PCDH15: variants seen among roughly 807,000 people sequenced by gnomAD.
PCDH15 encodes the protein protocadherin-15.
In PCDH15, 129 loss-of-function variants were observed where a neutral mutation model predicts 178.5. That is an observed-to-expected ratio of 0.72 (90% CI 0.63 to 0.84). The LOEUF (loss-of-function observed/expected upper bound fraction) is 0.84. PCDH15 is among the 40% of genes least tolerant of loss of function. The pLI, the probability that PCDH15 is intolerant of heterozygous loss-of-function variation, is 0.00. For synonymous variants in PCDH15, 800 were observed against 732.0 expected (o/e 1.09, Z -1.50); for missense variants, 2,230 against 2,099.9 (o/e 1.06, Z -1.21).
At chr10:54,078,339 A>T (rs1476306658) in intron 17 of PCDH15, among the ~76,000 whole-genome samples, 1 of 152,056 alleles carries the variant, frequency 6.6e-6, no homozygotes, top group Non-Finnish European at 1.5e-5. Context: ...TTATATTTTT[A>T]TTATAATAAA....
At chr10:54,740,602 A>G (rs1246399595) in intron 1 of PCDH15, among the ~76,000 whole-genome samples, 1 of 151,998 alleles carries the variant, frequency 6.6e-6, no homozygotes, top group Non-Finnish European at 1.5e-5. Context: ...TATTCACAAC[A>G]GCCAAGACAT....
At chr10:55,161,241 T>C (rs1839057909) in intron 2 of PCDH15, among the ~76,000 whole-genome samples, 1 of 152,182 alleles carries the variant, frequency 6.6e-6, no homozygotes, top group Non-Finnish European at 1.5e-5. Flanking sequence ...CTGCTACAAA[T>C]TTCTCAAGAA....
intron 3 of PCDH15, among the ~76,000 whole-genome samples, chr10:54,896,391 C>CTGT (rs1272055344): frequency 6.6e-6 from 1 of 152,032 alleles, no homozygotes; most frequent in Non-Finnish European, 1.5e-5. Flanking sequence ...TTCTATCCAG[C>CTGT]TGTTGACTTT....
At chr10:54,779,421 T>C (rs60958657) in intron 1 of PCDH15, among the ~76,000 whole-genome samples, 34,988 of 94,130 alleles carry the variant, frequency 0.37, 6,049 homozygotes, top group African/African-American at 0.47. Context: ...TATATATATA[T>C]ACACACACAT....
At chr10:54,652,921 C>T (rs1363464586) in intron 2 of PCDH15, among the ~76,000 whole-genome samples, 1 of 152,166 alleles carries the variant, frequency 6.6e-6, no homozygotes, top group Non-Finnish European at 1.5e-5. Context: ...AAATGACAAT[C>T]TGCCTAATCT....
chr10:54,519,307 A>T (rs1482906321), intron 3 of PCDH15, among the ~76,000 whole-genome samples: 1 of 152,188 alleles, frequency 6.6e-6, no homozygotes, highest in African/African-American at 2.4e-5. Context: ...GTATATTTAG[A>T]AAACCCCATT....
intron 3 of PCDH15, among the ~76,000 whole-genome samples, chr10:54,807,490 A>G (rs1952797137): frequency 6.6e-6 from 1 of 151,924 alleles, no homozygotes; most frequent in Non-Finnish European, 1.5e-5. Flanking sequence ...TGGCTACTAT[A>G]CATTGTACTT....
intron 2 of PCDH15, among the ~76,000 whole-genome samples, chr10:54,548,134 CAT>C (rs914518889): frequency 6.2e-5 from 9 of 145,672 alleles, no homozygotes; most frequent in African/African-American, 1.7e-4. Context: ...AAAAAAAACC[CAT>C]ATATATATAT....
intron 3 of PCDH15, among the ~76,000 whole-genome samples, chr10:54,488,110 C>T (rs187258129): frequency 2.6e-4 from 40 of 151,694 alleles, no homozygotes; most frequent in Admixed American, 1.8e-3. Flanking sequence ...CACTAAAAGA[C>T]GAGTTAATAT....
intron 3 of PCDH15, among the ~76,000 whole-genome samples, chr10:54,483,718 A>G (rs2078892522): frequency 6.6e-6 from 1 of 151,746 alleles, no homozygotes. Flanking sequence ...TATTTCTTCC[A>G]CTTTTTCTTT....
At chr10:54,263,160 C>G (rs1338810018) in intron 8 of PCDH15, among the ~76,000 whole-genome samples, 1 of 152,094 alleles carries the variant, frequency 6.6e-6, no homozygotes, top group African/African-American at 2.4e-5. Context: ...GCGGACATAC[C>G]CTAAAACCTG....
At position 53,823,023 on chromosome 10, in the gene PCDH15, T is replaced by C. The variant is rs143844556; in HGVS notation, c.4368-2793A>G. 6.2e-7 allele frequency: 1 copy of C among 1,614,038 alleles called. No homozygotes were observed. The highest frequency in any genetic ancestry group is 8.5e-7 in the Non-Finnish European group (1 of 1,179,954). On this transcript the variant is annotated intron_variant, in intron 32 of 37. Transcript: ENST00000644397. Reference sequence around the variant, plus strand: ...CTGACTCCACAGCCTCTGAATCTTTTCTCTTGGGCCCCTCAGAGACTTACT... The same window carrying C: ...CTGACTCCACAGCCTCTGAATCTTTCCTCTTGGGCCCCTCAGAGACTTACT...
At chr10:54,327,221 C>T (rs1173826213) in intron 7 of PCDH15, among the ~76,000 whole-genome samples, 1 of 151,866 alleles carries the variant, frequency 6.6e-6, no homozygotes, top group African/African-American at 2.4e-5. Flanking sequence ...ATACCTTCCA[C>T]AGCAATCTGA....
intron 26 of PCDH15, among the ~76,000 whole-genome samples, chr10:53,897,765 C>A (rs1156994845): frequency 1.3e-5 from 2 of 152,106 alleles, no homozygotes; most frequent in Middle Eastern, 3.2e-3. Context: ...TTTGCCTACT[C>A]TAGGTAAGTA....
Position 54,424,418 on chromosome 10 carries a change from A to C in PCDH15, c.158-45476T>G, listed in dbSNP as rs530597783. 2.6e-5 allele frequency among the ~76,000 whole-genome samples: 4 copies of C among 152,018 alleles called. No individual in the cohort carries two copies. In the South Asian group the frequency reaches 6.2e-4, roughly 24 times the overall value. The stretch of plus-strand genomic sequence containing the variant: ...ACTTTTACACTGTTGGTGGGACTGT[A>C]AACTAGTTCAACCATTGTGGAAGAC... On this transcript the variant is annotated intron_variant, in intron 3 of 37. Coordinates refer to ENST00000644397, the MANE Select transcript of PCDH15 (RefSeq NM_001384140.1).
chr10:54,578,045 A>C (rs1392673715), intron 2 of PCDH15, among the ~76,000 whole-genome samples: 1 of 152,178 alleles, frequency 6.6e-6, no homozygotes, highest in Non-Finnish European at 1.5e-5. Context: ...ATTTATATAC[A>C]TTTGGAAAGT....
chr10:53,894,320 A>G (rs368580130), intron 26 of PCDH15, among the ~76,000 whole-genome samples: 1 of 152,312 alleles, frequency 6.6e-6, no homozygotes. Flanking sequence ...TTCAAAGTAC[A>G]AACCACACAA....
chr10:55,395,721 T>G (rs1837911537), intron 2 of PCDH15, among the ~76,000 whole-genome samples: 1 of 152,052 alleles, frequency 6.6e-6, no homozygotes, highest in Admixed American at 6.5e-5. Context: ...TTCTTTGTAT[T>G]ATTTTACATT....
At chr10:54,608,676 G>A (rs534952488) in intron 2 of PCDH15, among the ~76,000 whole-genome samples, 11 of 151,954 alleles carry the variant, frequency 7.2e-5, no homozygotes, top group East Asian at 3.9e-4. Context: ...GGTAATATTC[G>A]TCAAGAAGTC....
Sources: gnomAD v4.1 joint callset for allele counts (sites outside exome capture counted in the v4.1 genomes callset) on GRCh38, gnomAD v4.1.1 for gene constraint, MANE v1.5 for transcripts, NCBI Gene and HGNC (gene_info 2026-07-23, HGNC 2026-07-21) for gene names.